Variants in TRHDE observed in about 807,000 individuals in gnomAD.
The protein encoded by TRHDE is thyrotropin releasing hormone degrading enzyme.
In TRHDE, 72 loss-of-function variants were observed where a neutral mutation model predicts 125.7. The observed-to-expected ratio is 0.57, with a 90% CI of 0.47 to 0.70. The LOEUF (loss-of-function observed/expected upper bound fraction) is 0.70. Ranked by LOEUF, TRHDE falls within the 30% of genes least tolerant of loss-of-function variation. TRHDE has a pLI of 0.00. For missense variants in TRHDE, 1,110 were observed against 1,327.1 expected (o/e 0.84, Z 2.54); for synonymous variants, 509 against 509.1 (o/e 1.00, Z 0.00).
intron 2 of TRHDE, among the ~76,000 whole-genome samples, chr12:72,373,735 C>T (rs897226131): frequency 5.9e-5 from 9 of 152,106 alleles, no homozygotes; most frequent in African/African-American, 2.2e-4. Flanking sequence ...TAGGGGAAAA[C>T]TCAAAATCCT....
At chr12:72,639,898 C>G (rs1019909500) in intron 15 of TRHDE, among the ~76,000 whole-genome samples, 4 of 152,108 alleles carry the variant, frequency 2.6e-5, no homozygotes, top group Non-Finnish European at 5.9e-5. Flanking sequence ...AACCACTGCT[C>G]TCTTCAAAGC....
intron 9 of TRHDE, among the ~76,000 whole-genome samples, chr12:72,566,861 A>T (rs972130588): frequency 1.3e-5 from 2 of 151,892 alleles, no homozygotes; most frequent in African/African-American, 4.8e-5. Context: ...ATTTCATTTT[A>T]TTCCAAGTGC....
intron 3 of TRHDE, among the ~76,000 whole-genome samples, chr12:72,413,489 C>T (rs957675624): frequency 2.6e-5 from 4 of 151,606 alleles, no homozygotes; most frequent in Admixed American, 6.6e-5. Context: ...ATTTGGACTA[C>T]ATATATGGTT....
chr12:72,115,695 A>G (rs1875427257), intron 2 of TRHDE, among the ~76,000 whole-genome samples: 2 of 152,146 alleles, frequency 1.3e-5, no homozygotes, highest in Non-Finnish European at 2.9e-5. Context: ...TTTCCTCCAC[A>G]TCCTCACTAG....
Position 72,562,300 on chromosome 12 carries a change from T to C in TRHDE, c.1854+70T>C, listed in dbSNP as rs878975405. The stretch of plus-strand genomic sequence containing the variant: ...TTGAATTGCATTTATAAGACATTCA[T>C]AGCCTTTATTGACACCTGATAGTTT... On this transcript the variant is annotated intron_variant, in intron 8 of 18. Transcript: ENST00000261180. The C allele has an allele frequency of 4.6e-5, 36 of 774,770 alleles. No homozygotes were observed. The South Asian group carries it at 5.5e-4, about 12-fold the overall frequency. 48.0% of individuals were successfully genotyped at this position (774,770 alleles called of 1,614,324 possible). A position where few individuals can be genotyped will look rare whatever the true frequency, so the allele number is the denominator to read the frequency against.
At chr12:72,655,825 T>G (rs1398999658) in intron 17 of TRHDE, among the ~76,000 whole-genome samples, 1 of 152,194 alleles carries the variant, frequency 6.6e-6, no homozygotes, top group East Asian at 1.9e-4. Context: ...ACTTACATTA[T>G]TATTGAATGC....
chr12:72,626,756 C>T (rs1243561036), intron 15 of TRHDE, among the ~76,000 whole-genome samples: 1 of 151,822 alleles, frequency 6.6e-6, no homozygotes, highest in Non-Finnish European at 1.5e-5. Flanking sequence ...TGATCCTTCT[C>T]ATCAATGTTT....
intron 6 of TRHDE, among the ~76,000 whole-genome samples, chr12:72,518,932 T>C (rs1879028549): frequency 6.6e-6 from 1 of 152,064 alleles, no homozygotes; most frequent in African/African-American, 2.4e-5. Flanking sequence ...TATGAAATTC[T>C]GGGTTGAAAA....
At position 72,273,225 on chromosome 12, in the gene TRHDE, C is replaced by T; in HGVS notation, c.582C>T (p.His194=). ...TGTCGGGCCACCTGAAGCCGCTGCA[C>T]TACAATCTGATGCTCACCGCCTTCA... ...LRLSGHLKPL[H]YNLMLTAFME... The change falls in exon 1 of 19, where the codon CAC becomes CAT. Residue 194 remains histidine (H), a synonymous_variant. Coordinates refer to ENST00000261180, the MANE Select transcript of TRHDE (RefSeq NM_013381.3). The surrounding 1 kb of genome is among the most constrained non-coding windows in gnomAD (Gnocchi z 5.3). 6.2e-7 allele frequency: 1 copy of T among 1,613,238 alleles called. No individual in the cohort carries two copies. The highest frequency in any genetic ancestry group is 8.5e-7 in the Non-Finnish European group (1 of 1,179,520).
intron 10 of TRHDE, 31 bp downstream of exon 10, chr12:72,568,687 T>C (rs1565793480): frequency 1.3e-6 from 2 of 1,488,054 alleles, no homozygotes; most frequent in East Asian, 2.3e-5. Flanking sequence ...TGAGGAAGTA[T>C]CTGGTTTCAG....
intron 17 of TRHDE, 100 bp from the exon 18 acceptor site, chr12:72,656,827 G>C (rs1874725125): frequency 2.5e-6 from 2 of 788,940 alleles, no homozygotes; most frequent in East Asian, 2.8e-5. Flanking sequence ...TGACAACACT[G>C]AGCAAATCGA....
intron 2 of TRHDE, among the ~76,000 whole-genome samples, chr12:72,249,808 A>G (rs1252997184): frequency 2.0e-5 from 3 of 152,202 alleles, no homozygotes; most frequent in Non-Finnish European, 4.4e-5. Flanking sequence ...CCCAAGAGAA[A>G]TGAAAGCATA....
intron 2 of TRHDE, among the ~76,000 whole-genome samples, chr12:72,293,442 G>C (rs1049317941): frequency 6.6e-6 from 1 of 152,154 alleles, no homozygotes; most frequent in Non-Finnish European, 1.5e-5. Flanking sequence ...AGGGCTTGGA[G>C]CACTGTGGGA....
chr12:72,470,777 A>G lies in TRHDE; in HGVS notation c.1470+865A>G, dbSNP rs75378485. Reference sequence around the variant, plus strand: ...ATGTGAAAAATGCCGTCAGTGAAAGAAGGTAAACAGTTAAATGCTGATAAA... The same window carrying G: ...ATGTGAAAAATGCCGTCAGTGAAAGGAGGTAAACAGTTAAATGCTGATAAA... On this transcript the variant is annotated intron_variant, in intron 4 of 18. Coordinates refer to ENST00000261180, the MANE Select transcript of TRHDE (RefSeq NM_013381.3). Among the ~76,000 whole-genome samples, 1,077 of 151,994 alleles carry G rather than the reference A, an allele frequency of 7.1e-3. 7 individuals are homozygous for G. The highest frequency in any genetic ancestry group is 0.025 in the African/African-American group (1,035 of 41,484).
intron 15 of TRHDE, among the ~76,000 whole-genome samples, chr12:72,634,998 G>T (rs1873670981): frequency 6.6e-6 from 1 of 152,030 alleles, no homozygotes; most frequent in South Asian, 2.1e-4. Flanking sequence ...ATGATTTATA[G>T]TCCTTTGGGT....
chr12:72,597,246 G>T (rs1323998376), intron 12 of TRHDE, among the ~76,000 whole-genome samples: 1 of 152,126 alleles, frequency 6.6e-6, no homozygotes, highest in African/African-American at 2.4e-5. Context: ...TCATTGAACT[G>T]AAAATATTTT....
chr12:72,277,844 T>C (rs1879545100), intron 1 of TRHDE, among the ~76,000 whole-genome samples: 2 of 152,310 alleles, frequency 1.3e-5, no homozygotes, highest in African/African-American at 4.8e-5. Context: ...TAAAATTGTG[T>C]ATATTTATCT....
chr12:72,312,938 A>G (rs185954390), intron 2 of TRHDE, among the ~76,000 whole-genome samples: 5 of 152,184 alleles, frequency 3.3e-5, no homozygotes, highest in African/African-American at 1.2e-4. Flanking sequence ...TTTTCTTAAC[A>G]TTTTTGAAAA....
intron 3 of TRHDE, among the ~76,000 whole-genome samples, chr12:72,449,555 C>A (rs984838544): frequency 6.6e-6 from 1 of 151,858 alleles, no homozygotes; most frequent in Admixed American, 6.6e-5. Flanking sequence ...ATGGCTTAGG[C>A]ATGCTCTTTT....
Sources: gnomAD v4.1 joint callset for allele counts (sites outside exome capture counted in the v4.1 genomes callset) on GRCh38, gnomAD v4.1.1 for gene constraint, Gnocchi (gnomAD v3.1) non-coding constraint, MANE v1.5 for transcripts, NCBI Gene and HGNC (gene_info 2026-07-23, HGNC 2026-07-21) for gene names.